The following NRCAM variants were observed in gnomAD, a reference collection of about 807,000 sequenced individuals.
The protein encoded by NRCAM is neuronal cell adhesion molecule.
A neutral mutation model predicts 156.5 loss-of-function variants in NRCAM; 83 were observed. The ratio of observed to expected loss-of-function variants is 0.53; its 90% CI spans 0.44 to 0.64. The LOEUF (loss-of-function observed/expected upper bound fraction) is 0.64, where lower values mean the gene tolerates loss of function less well. NRCAM is among the 30% of genes least tolerant of loss of function. NRCAM has a pLI of 0.00. For missense variants in NRCAM, 1,417 were observed against 1,597.3 expected (o/e 0.89, Z 1.92); for synonymous variants, 538 against 563.9 (o/e 0.95, Z 0.65).
At chr7:108,455,497 C>T (rs1855989482) in intron 1 of NRCAM, among the ~76,000 whole-genome samples, 1 of 152,086 alleles carries the variant, frequency 6.6e-6, no homozygotes, top group Non-Finnish European at 1.5e-5. Context: ...AGTCCCAGCC[C>T]TCGGAGGCAG....
intron 3 of NRCAM, among the ~76,000 whole-genome samples, chr7:108,311,307 G>C (rs1273143163): frequency 2.0e-5 from 3 of 152,056 alleles, no homozygotes; most frequent in Admixed American, 6.6e-5. Context: ...ACTGTAATTT[G>C]GTATATGTCC....
chr7:108,416,958 A>G (rs889645625), intron 1 of NRCAM, among the ~76,000 whole-genome samples: 5 of 152,218 alleles, frequency 3.3e-5, no homozygotes, highest in Non-Finnish European at 5.9e-5. Context: ...CAATTAACGG[A>G]CATTACAAAC....
intron 3 of NRCAM, among the ~76,000 whole-genome samples, chr7:108,311,408 T>C (rs1463776587): frequency 2.6e-5 from 4 of 152,120 alleles, no homozygotes; most frequent in Non-Finnish European, 2.9e-5. Context: ...GAGGGGTACA[T>C]AAAAACTATA....
chr7:108,193,477 T>C (rs946511996), intron 17 of NRCAM, among the ~76,000 whole-genome samples: 2 of 152,212 alleles, frequency 1.3e-5, no homozygotes, highest in Non-Finnish European at 2.9e-5. Context: ...ATCTGGAAAA[T>C]GCCATGACCT....
intron 3 of NRCAM, among the ~76,000 whole-genome samples, chr7:108,310,880 G>A (rs1476187189): frequency 6.6e-6 from 1 of 152,148 alleles, no homozygotes; most frequent in South Asian, 2.1e-4. Context: ...CCAACAAGAA[G>A]TGTGTATTGA....
intron 2 of NRCAM, among the ~76,000 whole-genome samples, chr7:108,350,683 C>T (rs2099405686): frequency 7.0e-6 from 1 of 142,530 alleles, no homozygotes; most frequent in Non-Finnish European, 1.6e-5. Context: ...ATTACTTGCA[C>T]TCAAATGCTC....
intron 2 of NRCAM, among the ~76,000 whole-genome samples, chr7:108,337,079 CATGGTGAAACCCCATCTCTACTAAAAA>C (rs1223653270): frequency 6.6e-6 from 1 of 152,054 alleles, no homozygotes; most frequent in East Asian, 1.9e-4. Flanking sequence ...AGCTGGCCAA[CATGGTGAAACCCCATCTCTACTAAAAA>C]CAGAAAAATT....
At chr7:108,361,092 C>T (rs963877118) in intron 2 of NRCAM, among the ~76,000 whole-genome samples, 2 of 152,028 alleles carry the variant, frequency 1.3e-5, no homozygotes, top group African/African-American at 2.4e-5. Flanking sequence ...GACTAGAGAC[C>T]TCACAAAATA....
chr7:108,159,890 T>A (rs2047830893), intron 31 of NRCAM, among the ~76,000 whole-genome samples: 1 of 152,140 alleles, frequency 6.6e-6, no homozygotes. Context: ...TTTTTTTTTC[T>A]TGTCACTGAA....
chr7:108,387,541 G>A (rs1477876662), intron 2 of NRCAM, among the ~76,000 whole-genome samples: 1 of 151,790 alleles, frequency 6.6e-6, no homozygotes, highest in Non-Finnish European at 1.5e-5. Context: ...TTTTATCCTA[G>A]TTTTTTTAAA....
intron 3 of NRCAM, among the ~76,000 whole-genome samples, chr7:108,300,890 C>G (rs1009621556): frequency 6.6e-6 from 1 of 151,776 alleles, no homozygotes; most frequent in Non-Finnish European, 1.5e-5. Context: ...TTTTTTAAAG[C>G]TTTTCTTAAA....
chr7:108,418,083 A>G (rs1300438102), intron 1 of NRCAM, among the ~76,000 whole-genome samples: 1 of 152,118 alleles, frequency 6.6e-6, no homozygotes, highest in African/African-American at 2.4e-5. Context: ...CAGAAGCAAC[A>G]CCTGTGACAC....
chr7:108,343,149 T>C (rs1318358875), intron 2 of NRCAM, among the ~76,000 whole-genome samples: 1 of 152,308 alleles, frequency 6.6e-6, no homozygotes, highest in South Asian at 2.1e-4. Flanking sequence ...TCAGTGATAA[T>C]GGAATACTTG....
intron 15 of NRCAM, among the ~76,000 whole-genome samples, chr7:108,194,990 G>A (rs963047191): frequency 6.6e-6 from 1 of 152,166 alleles, no homozygotes; most frequent in Non-Finnish European, 1.5e-5. Context: ...GGGAGAGCTT[G>A]GCTGGATCCA....
At chr7:108,348,478 T>C (rs17155518) in intron 2 of NRCAM, among the ~76,000 whole-genome samples, 28,001 of 152,048 alleles carry the variant, frequency 0.18, 3,456 homozygotes, top group East Asian at 0.45. Context: ...TTTAGAGGAC[T>C]GACAGGATAA....
In NRCAM at chr7:108,423,283, A is replaced by G. The variant is rs1235036231; in HGVS notation, c.-331-23690T>C. The stretch of plus-strand genomic sequence containing the variant: ...AGTAAATGAAAGCATAAGAAAGATG[A>G]AAAGTAAGAAGGAAGGGAAAGTGAA... On this transcript the variant is annotated intron_variant, in intron 1 of 32. Coordinates refer to ENST00000379028, the MANE Select transcript of NRCAM (RefSeq NM_001037132.4). 4.6e-5 allele frequency among the ~76,000 whole-genome samples: 7 copies of G among 152,248 alleles called. No homozygotes were observed. In the South Asian group the frequency reaches 6.2e-4, roughly 14 times the overall value.
chr7:108,357,565 A>G lies in NRCAM; in HGVS notation c.-174+41871T>C, dbSNP rs1300172531. On this transcript the variant is annotated intron_variant, in intron 2 of 32. Transcript: ENST00000379028. Reference sequence around the variant, plus strand: ...AGGCTGGTCTTGAACTCCTAACCTCAGGTGATCCACCCACCTCAGCCTCCC... The same window carrying G: ...AGGCTGGTCTTGAACTCCTAACCTCGGGTGATCCACCCACCTCAGCCTCCC... 3.3e-5 allele frequency among the ~76,000 whole-genome samples: 5 copies of G among 152,056 alleles called. No homozygotes were observed. The East Asian group carries it at 9.7e-4, about 29-fold the overall frequency.
At position 108,324,877 on chromosome 7, in the gene NRCAM, C is replaced by CTTTT. The variant is rs60553976; in HGVS notation, c.-173-12150_-173-12147dup. ...TGTTTGTGTAATATTTGGCACTGTACTTTTTTTTTTTTTTTTTTTTTTTTT... is the reference window on the plus strand; with the variant it reads ...TGTTTGTGTAATATTTGGCACTGTACTTTTTTTTTTTTTTTTTTTTTTTTTTTTT... On this transcript the variant is annotated intron_variant, in intron 2 of 32. Coordinates refer to ENST00000379028, the MANE Select transcript of NRCAM (RefSeq NM_001037132.4). 1.5e-4 allele frequency among the ~76,000 whole-genome samples: 12 copies of CTTTT among 82,684 alleles called. 1 individual carries two copies. The highest frequency in any genetic ancestry group is 2.3e-4 in the Non-Finnish European group (10 of 43,378). 54.2% of individuals were successfully genotyped at this position (82,684 alleles called of 152,430 possible).
At chr7:108,309,994 T>C (rs1247834979) in intron 3 of NRCAM, among the ~76,000 whole-genome samples, 2 of 152,240 alleles carry the variant, frequency 1.3e-5, no homozygotes, top group African/African-American at 4.8e-5. Context: ...GTTTTACTAT[T>C]ATCTATTCAG....
Sources: allele counts gnomAD v4.1 joint callset (sites outside exome capture counted in the v4.1 genomes callset), GRCh38; gene constraint gnomAD v4.1.1; transcripts MANE v1.5; gene names NCBI Gene and HGNC (gene_info 2026-07-23, HGNC 2026-07-21).